The following ANO4 variants were observed in gnomAD, a reference collection of about 807,000 sequenced individuals.
The protein encoded by ANO4 is anoctamin 4, also known as anoctamin-4.
A neutral mutation model predicts 141.9 loss-of-function variants in ANO4; 69 were observed. The ratio of observed to expected loss-of-function variants is 0.49; its 90% CI spans 0.40 to 0.59. ANO4 has a LOEUF of 0.59. Among genes scored for constraint, ANO4 ranks in the 20% least tolerant of loss-of-function variants. ANO4 has a pLI of 0.00. For synonymous variants in ANO4, 350 were observed against 394.3 expected, an observed-to-expected ratio of 0.89 and a Z score of 1.33; for missense variants, 894 against 1,162.2, an observed-to-expected ratio of 0.77 and a Z score of 3.36.
chr12:100,803,620 C>T (rs1371756807), intron 1 of ANO4, among the ~76,000 whole-genome samples: 5 of 152,250 alleles, frequency 3.3e-5, no homozygotes, highest in East Asian at 3.9e-4. Flanking sequence ...TGTCTCCTAG[C>T]GGTGGAGTGC....
intron 16 of ANO4, among the ~76,000 whole-genome samples, chr12:101,086,341 G>T (rs60891632): frequency 3.3e-5 from 5 of 152,004 alleles, no homozygotes; most frequent in African/African-American, 9.7e-5. Context: ...ATTTTAAACC[G>T]AAGAGTGACA....
At chr12:100,876,075 G>C (rs2039286529) in intron 1 of ANO4, among the ~76,000 whole-genome samples, 1 of 152,136 alleles carries the variant, frequency 6.6e-6, no homozygotes, top group South Asian at 2.1e-4. Flanking sequence ...ATGGTTTACT[G>C]TTGCAGTCTT....
intron 5 of ANO4, among the ~76,000 whole-genome samples, chr12:100,955,963 A>C (rs139697916): frequency 6.6e-6 from 1 of 152,302 alleles, no homozygotes; most frequent in East Asian, 1.9e-4. Context: ...ATTTCTCCCT[A>C]GTCCACAGTG....
chr12:100,812,613 T>C (rs1255014457), intron 1 of ANO4, among the ~76,000 whole-genome samples: 1 of 152,154 alleles, frequency 6.6e-6, no homozygotes, highest in Admixed American at 6.6e-5. Context: ...ATGACTTACA[T>C]GTAAGATACA....
intron 8 of ANO4, among the ~76,000 whole-genome samples, chr12:101,014,522 C>G (rs924602354): frequency 6.6e-6 from 1 of 152,128 alleles, no homozygotes; most frequent in Admixed American, 6.5e-5. Context: ...ATGCAGAAAG[C>G]CCTTCACACA....
chr12:100,784,295 A>G (rs541775789), intron 3 of ANO4, among the ~76,000 whole-genome samples: 1 of 152,024 alleles, frequency 6.6e-6, no homozygotes, highest in East Asian at 1.9e-4. Flanking sequence ...TCCCAACCAA[A>G]TCTTCCCTCT....
At chr12:100,727,471 A>C (rs779443641) in intron 1 of ANO4, among the ~76,000 whole-genome samples, 3 of 152,180 alleles carry the variant, frequency 2.0e-5, no homozygotes, top group Admixed American at 2.0e-4. Context: ...CTTTTTCCTA[A>C]AAGTAATATA....
rs753577267 is a variant in ANO4, at chr12:100,901,731, T to G, written c.-55T>G. Reference sequence around the variant, plus strand: ...TGGCAAGCCGCCCAGCGTCACGTCGTCGCCTGCCTGTGGTCAGGCATTCCT... The same window carrying G: ...TGGCAAGCCGCCCAGCGTCACGTCGGCGCCTGCCTGTGGTCAGGCATTCCT... On this transcript the variant is annotated 5_prime_UTR_variant, in exon 2 of 28. Transcript: ENST00000392977. The G allele has an allele frequency of 6.5e-7, 1 of 1,532,400 alleles. No individual in the cohort carries two copies. Among genetic ancestry groups the G allele is most frequent in the East Asian group, 2.2e-5 (1 of 44,502 alleles). 94.9% of individuals were successfully genotyped at this position (1,532,400 alleles called of 1,614,324 possible).
At chr12:100,825,565 A>T (rs916784996) in intron 1 of ANO4, among the ~76,000 whole-genome samples, 3 of 152,070 alleles carry the variant, frequency 2.0e-5, no homozygotes, top group Non-Finnish European at 4.4e-5. Flanking sequence ...GATAGATAAG[A>T]CATAACTGAT....
chr12:101,070,256 A>G (rs2048756312), intron 14 of ANO4, among the ~76,000 whole-genome samples: 1 of 152,162 alleles, frequency 6.6e-6, no homozygotes. Flanking sequence ...ACATTACCTG[A>G]CCTCAAATTA....
At position 100,877,603 on chromosome 12, in the gene ANO4, G is replaced by T. The variant is rs2039378904; in HGVS notation, c.-140-24043G>T. On this transcript the variant is annotated intron_variant, in intron 1 of 27. Coordinates refer to ENST00000392977, the MANE Select transcript of ANO4 (RefSeq NM_001286615.2). Reference sequence around the variant, plus strand: ...TAAGAGTAACTTCAGAGAACTGAAAGGTTAATTTACTAGAAGATGGTAAGA... The same window carrying T: ...TAAGAGTAACTTCAGAGAACTGAAATGTTAATTTACTAGAAGATGGTAAGA... Among the ~76,000 whole-genome samples the T allele has an allele frequency of 3.3e-5, 5 of 151,988 alleles. No individual in the cohort carries two copies. The South Asian group carries it at 8.3e-4, about 25-fold the overall frequency.
chr12:100,883,079 G>C (rs1017880538), intron 1 of ANO4, among the ~76,000 whole-genome samples: 2 of 152,140 alleles, frequency 1.3e-5, no homozygotes, highest in African/African-American at 2.4e-5. Flanking sequence ...GCCAAGCTGC[G>C]ACACAAGTAT....
chr12:101,053,006 T>C (rs1452815836), intron 14 of ANO4, among the ~76,000 whole-genome samples: 2 of 152,236 alleles, frequency 1.3e-5, no homozygotes, highest in Non-Finnish European at 2.9e-5. Flanking sequence ...GTGTCCACCA[T>C]GTTGTGCATC....
chr12:100,724,006 C>T (rs2136746066), intron 1 of ANO4, among the ~76,000 whole-genome samples: 1 of 133,424 alleles, frequency 7.5e-6, no homozygotes, highest in South Asian at 2.7e-4. Flanking sequence ...GTTCAGGAAG[C>T]AAAACAAAAA....
chr12:100,883,128 T>C (rs1193807307), intron 1 of ANO4, among the ~76,000 whole-genome samples: 1 of 152,198 alleles, frequency 6.6e-6, no homozygotes, highest in Non-Finnish European at 1.5e-5. Context: ...AGGAGATAAG[T>C]ACAAAAGTCT....
chr12:100,960,497 TATAAC>T (rs781083715), intron 5 of ANO4, among the ~76,000 whole-genome samples: 18 of 151,546 alleles, frequency 1.2e-4, no homozygotes, highest in Non-Finnish European at 2.6e-4. Context: ...AAGACATAAA[TATAAC>T]AGACTGAGGA....
At chr12:100,902,611 G>A (rs558994271) in intron 2 of ANO4, among the ~76,000 whole-genome samples, 2 of 152,282 alleles carry the variant, frequency 1.3e-5, no homozygotes, top group South Asian at 2.1e-4. Flanking sequence ...ATGTCCTAGT[G>A]GATGACCACA....
intron 1 of ANO4, among the ~76,000 whole-genome samples, chr12:100,723,855 G>A (rs1455951905): frequency 6.6e-6 from 1 of 152,122 alleles, no homozygotes; most frequent in African/African-American, 2.4e-5. Flanking sequence ...GACACATTCA[G>A]CTCACAATAA....
chr12:100,837,414 T>A (rs2036987225), intron 1 of ANO4, among the ~76,000 whole-genome samples: 1 of 152,108 alleles, frequency 6.6e-6, no homozygotes, highest in African/African-American at 2.4e-5. Context: ...TGCTTCAGAG[T>A]TTACACTCCC....
Sources: gnomAD v4.1 joint callset for allele counts (sites outside exome capture counted in the v4.1 genomes callset) on GRCh38, gnomAD v4.1.1 for gene constraint, MANE v1.5 for transcripts, NCBI Gene and HGNC (gene_info 2026-07-23, HGNC 2026-07-21) for gene names.